Variants in BTAF1 observed in about 807,000 individuals in gnomAD.
BTAF1 encodes TATA-binding protein-associated factor 172.
In BTAF1, 38 loss-of-function variants were observed where a neutral mutation model predicts 227.1. The ratio of observed to expected loss-of-function variants is 0.17; its 90% confidence interval spans 0.13 to 0.22. The LOEUF is 0.22. BTAF1 is among the 10% of genes least tolerant of loss of function. The probability of loss-of-function intolerance (pLI) is 1.00; values close to 1 mark genes in which losing one functional copy is unlikely to be tolerated. For synonymous variants in BTAF1, 742 were observed against 751.9 expected (o/e 0.99, Z 0.21); for missense variants, 1,598 against 2,204.0 (o/e 0.73, Z 5.51).
At chr10:91,999,365 T>G (rs908997045) in intron 25 of BTAF1, among the ~76,000 whole-genome samples, 3 of 152,060 alleles carry the variant, frequency 2.0e-5, no homozygotes, top group Non-Finnish European at 2.9e-5. Context: ...TCATCCTACA[T>G]GTACACCTAG....
At chr10:91,930,254 C>T (rs1292633229) in intron 1 of BTAF1, among the ~76,000 whole-genome samples, 2 of 152,058 alleles carry the variant, frequency 1.3e-5, no homozygotes, top group African/African-American at 4.8e-5. Context: ...TAAAGTCATG[C>T]AAGAGGCTAT....
At position 91,942,978 on chromosome 10, in the gene BTAF1, A is replaced by G. The variant is rs1283593156; in HGVS notation, c.400+410A>G. ...TTTGTTTTTATCACATATTTCTGAT[A>G]TTATTGGGTTTACTCATGCTGGTGT... is the stretch of plus-strand genomic sequence containing the variant. On this transcript the variant is annotated intron_variant, in intron 4 of 37. Coordinates refer to ENST00000265990, the MANE Select transcript of BTAF1 (RefSeq NM_003972.3). Among the ~76,000 whole-genome samples the G allele has an allele frequency of 2.6e-5, 4 of 152,276 alleles. No homozygotes were observed. The East Asian group carries it at 7.7e-4, about 29-fold the overall frequency.
rs1414032837 is a variant in BTAF1 at position 92,030,491 on chromosome 10, A to G, written c.*1558A>G. Among the ~76,000 whole-genome samples, 2 of 152,160 alleles carry G rather than the reference A, an allele frequency of 1.3e-5. No homozygotes were observed. The highest frequency in any genetic ancestry group is 6.5e-5 in the Admixed American group (1 of 15,268). On this transcript the variant is annotated 3_prime_UTR_variant, in exon 38 of 38. Transcript: ENST00000265990. The stretch of plus-strand genomic sequence containing the variant: ...TTTTTTTATTAACTATTTATTTGCT[A>G]GTTCCATAAACCAGCTCTTTAACAT...
chr10:91,935,731 G>C lies in BTAF1; in HGVS notation c.89G>C (p.Gly30Ala). Residue 30 changes from glycine (G) to alanine (A), a missense_variant, in exon 2 of 38, where the codon GGA becomes GCA. Gly to Ala is a moderately conservative substitution (Grantham distance 60). Transcript: ENST00000265990. ...VTRKAAAQQL[G>A]EVVKLHPHEL... ...AGAAAAGCTGCTGCACAGCAACTTG[G>C]AGAAGTGGTGAAGCTTCATCCCCAT... 1 of 1,613,618 alleles carries C rather than the reference G, an allele frequency of 6.2e-7. No homozygotes were observed. The highest frequency in any genetic ancestry group is 1.7e-5 in the Admixed American group (1 of 60,012).
intron 11 of BTAF1, 90 bp downstream of exon 11, chr10:91,960,244 C>T: frequency 7.4e-7 from 1 of 1,356,820 alleles, no homozygotes; most frequent in Non-Finnish European, 1.0e-6. Context: ...GCCGTAGATT[C>T]TTACTGTTAC....
At chr10:92,004,320 TG>T (rs1442757274) in intron 25 of BTAF1, among the ~76,000 whole-genome samples, 1 of 152,206 alleles carries the variant, frequency 6.6e-6, no homozygotes, top group African/African-American at 2.4e-5. Flanking sequence ...GATTTTTGAA[TG>T]TTTGCATTAT....
intron 19 of BTAF1, among the ~76,000 whole-genome samples, chr10:91,985,734 T>C (rs997226728): frequency 2.0e-5 from 3 of 152,200 alleles, no homozygotes; most frequent in Admixed American, 2.0e-4. Context: ...GAATACTTTC[T>C]AATTTTTTAT....
At chr10:91,930,082 C>T (rs933546386) in intron 1 of BTAF1, among the ~76,000 whole-genome samples, 1 of 151,936 alleles carries the variant, frequency 6.6e-6, no homozygotes, top group East Asian at 1.9e-4. Context: ...TTAATTGTGA[C>T]ACACATAAAA....
chr10:91,956,729 C>T, intron 7 of BTAF1, 72 bp downstream of exon 7: 1 of 1,496,418 alleles, frequency 6.7e-7, no homozygotes, highest in Admixed American at 2.0e-5. Flanking sequence ...GTGGCTCACT[C>T]CTGTAATCCC....
chr10:91,949,318 A>T (rs1845593200), intron 4 of BTAF1, among the ~76,000 whole-genome samples: 1 of 152,212 alleles, frequency 6.6e-6, no homozygotes, highest in Non-Finnish European at 1.5e-5. Context: ...GTCTCAAAAA[A>T]CAAACAGAAA....
intron 2 of BTAF1, among the ~76,000 whole-genome samples, chr10:91,936,470 C>G (rs748999925): frequency 2.7e-4 from 29 of 109,052 alleles, no homozygotes; most frequent in Non-Finnish European, 4.4e-4. Context: ...TCAGTTTGAC[C>G]CCCTTTTTTC....
chr10:91,951,761 TC>T (rs1463730223), intron 5 of BTAF1, among the ~76,000 whole-genome samples, 195 bp downstream of exon 5: 1 of 152,162 alleles, frequency 6.6e-6, no homozygotes, highest in African/African-American at 2.4e-5. Flanking sequence ...TCAACCTACC[TC>T]CCAGACACTG....
At chr10:91,935,818 G>T in intron 2 of BTAF1, 38 bp downstream of exon 2, 1 of 1,502,524 alleles carries the variant, frequency 6.7e-7, no homozygotes, top group Non-Finnish European at 9.0e-7. Context: ...TAATACAATT[G>T]TAGAGACTTA....
At chr10:92,026,516 C>T in intron 35 of BTAF1, 76 bp from the exon 36 acceptor site, 1 of 1,192,440 alleles carries the variant, frequency 8.4e-7, no homozygotes, top group East Asian at 2.5e-5. Flanking sequence ...TTCATTTGTG[C>T]TCTTTAATTT....
In BTAF1 at chr10:91,959,112, T is replaced by C. The variant is rs758672716; in HGVS notation, c.948T>C (p.His316=). ...GTGLREILKA[H]GKSGGKMGDS... ...GACTTAGGGAAATTCTTAAAGCTCATGGGAAAAGTGGTGGTAAAATGGGTG... is the reference window on the plus strand; with the variant it reads ...GACTTAGGGAAATTCTTAAAGCTCACGGGAAAAGTGGTGGTAAAATGGGTG... The change falls in exon 9 of 38, where the codon CAT becomes CAC. Residue 316 remains histidine, a synonymous_variant. Coordinates refer to ENST00000265990, the MANE Select transcript of BTAF1 (RefSeq NM_003972.3). 2 of 1,614,120 alleles carry C rather than the reference T, an allele frequency of 1.2e-6. No homozygotes were observed. The highest frequency in any genetic ancestry group is 1.7e-6 in the Non-Finnish European group (2 of 1,179,984).
At chr10:91,977,846 T>A (rs1468939232) in intron 14 of BTAF1, among the ~76,000 whole-genome samples, 2 of 152,192 alleles carry the variant, frequency 1.3e-5, no homozygotes, top group African/African-American at 4.8e-5. Context: ...ATATGCTTAT[T>A]TGCCTAGACT....
chr10:91,988,923 C>A (rs1250835419), intron 19 of BTAF1, among the ~76,000 whole-genome samples: 2 of 152,062 alleles, frequency 1.3e-5, no homozygotes, highest in African/African-American at 4.8e-5. Context: ...TTTTATTCTT[C>A]TCAAGAGAAT....
At chr10:91,969,681 G>A (rs1215758157) in intron 14 of BTAF1, among the ~76,000 whole-genome samples, 2 of 151,798 alleles carry the variant, frequency 1.3e-5, no homozygotes, top group Non-Finnish European at 2.9e-5. Flanking sequence ...AATCCCCGTC[G>A]GGCCCAGCGT....
intron 30 of BTAF1, among the ~76,000 whole-genome samples, chr10:92,013,078 G>A (rs1487911507): frequency 6.6e-6 from 1 of 152,206 alleles, no homozygotes; most frequent in Non-Finnish European, 1.5e-5. Context: ...ACTGAGCAGG[G>A]TGAGGAGGGA....
Sources: gnomAD v4.1 joint callset for allele counts (sites outside exome capture counted in the v4.1 genomes callset) on GRCh38, gnomAD v4.1.1 for gene constraint, MANE v1.5 for transcripts, NCBI Gene and HGNC (gene_info 2026-07-23, HGNC 2026-07-21) for gene names.